Variants in KIF23 observed in about 807,000 individuals in gnomAD.
KIF23 encodes kinesin family member 23, also known as kinesin-like protein KIF23.
In KIF23, 30 loss-of-function variants were observed where a neutral mutation model predicts 137.5. The ratio of observed to expected loss-of-function variants is 0.22; its 90% confidence interval spans 0.16 to 0.30. The LOEUF is 0.30. KIF23 is among the 10% of genes least tolerant of loss of function. The probability of loss-of-function intolerance (pLI) is 1.00; values close to 1 mark genes in which losing one functional copy is unlikely to be tolerated. For missense variants in KIF23, 920 were observed against 1,194.3 expected (o/e 0.77, Z 3.38); for synonymous variants, 367 against 391.1 (o/e 0.94, Z 0.73).
chr15:69,421,503 G>T lies in KIF23; in HGVS notation c.211-144G>T, dbSNP rs2057055163. ...CTTTTTAGTAACTAAATAACTAAGGGTTCCAACTGTAAAAAGACCATTTAT... is the reference window on the plus strand; with the variant it reads ...CTTTTTAGTAACTAAATAACTAAGGTTTCCAACTGTAAAAAGACCATTTAT... On this transcript the variant is annotated intron_variant, in intron 3 of 23. Transcript: ENST00000679126. 11 of 562,858 alleles carry T rather than the reference G, an allele frequency of 2.0e-5. No individual in the cohort carries two copies. The East Asian group carries it at 3.1e-4, about 16-fold the overall frequency. The allele number at this position is 562,858 out of a possible 1,614,324, so 34.9% of individuals were successfully genotyped here. A position where few individuals can be genotyped will look rare whatever the true frequency, so the allele number is the denominator to read the frequency against.
chr15:69,441,080 G>T lies in KIF23; in HGVS notation c.2421+1G>T, dbSNP rs1266628136. The T allele has an allele frequency of 6.2e-7, 1 of 1,600,502 alleles. No individual in the cohort carries two copies. Among genetic ancestry groups the T allele is most frequent in the Non-Finnish European group, 8.5e-7 (1 of 1,171,458 alleles). On this transcript the variant is annotated splice_donor_variant, in intron 19 of 23. Coordinates refer to ENST00000679126, the MANE Select transcript of KIF23 (RefSeq NM_001367805.3). LOFTEE classifies it high-confidence loss of function. The stretch of plus-strand genomic sequence containing the variant: ...AATAGAAGAGGATCATTGCGGCAGG[G>T]TTAGTGCCAGTATTATTTTAACGCA...
chr15:69,433,056 C>T (rs749237291), intron 11 of KIF23, among the ~76,000 whole-genome samples: 46 of 152,250 alleles, frequency 3.0e-4, no homozygotes, highest in Non-Finnish European at 5.3e-4. Context: ...CCCCTGACCA[C>T]TAGGGAAAGC....
At chr15:69,424,324 ATTAACACTC>A (rs1465574187) in intron 7 of KIF23, among the ~76,000 whole-genome samples, 28 of 152,216 alleles carry the variant, frequency 1.8e-4, no homozygotes, top group Admixed American at 1.8e-3. Flanking sequence ...ATGTAAAAAT[ATTAACACTC>A]TTAATACTAA....
chr15:69,426,372 A>G lies in KIF23; in HGVS notation c.926A>G (p.Asn309Ser), dbSNP rs2057191500. The G allele has an allele frequency of 1.2e-6, 2 of 1,614,160 alleles. No individual in the cohort carries two copies. Among genetic ancestry groups the G allele is most frequent in the African/African-American group, 2.7e-5 (2 of 75,016 alleles). Reference sequence around the variant, plus strand: ...AGACGTATTGCTAATACCCATTTGAATCGTGAGTCCAGCCGTTCCCATAGC... The same window carrying G: ...AGACGTATTGCTAATACCCATTTGAGTCGTGAGTCCAGCCGTTCCCATAGC... ...KKRRIANTHL[N>S]RESSRSHSVF... Residue 309 changes from asparagine to serine, a missense_variant, in exon 10 of 24, where the codon AAT becomes AGT. Coordinates refer to ENST00000679126, the MANE Select transcript of KIF23 (RefSeq NM_001367805.3).
intron 3 of KIF23, among the ~76,000 whole-genome samples, chr15:69,419,204 T>G (rs2056992583): frequency 6.6e-6 from 1 of 152,202 alleles, no homozygotes; most frequent in Admixed American, 6.5e-5. Context: ...AGACTGGCAT[T>G]GGTTTGCTGA....
intron 11 of KIF23, among the ~76,000 whole-genome samples, chr15:69,430,783 G>T (rs2057338218): frequency 6.6e-6 from 1 of 152,140 alleles, no homozygotes; most frequent in African/African-American, 2.4e-5. Flanking sequence ...AATGTTAGCT[G>T]CCAACTATTA....
At chr15:69,436,035 C>T (rs993978989) in intron 13 of KIF23, 103 bp from the exon 14 acceptor site, 1 of 1,450,716 alleles carries the variant, frequency 6.9e-7, no homozygotes, top group Non-Finnish European at 9.3e-7. Flanking sequence ...TGGTGACAGA[C>T]TGTCTCAAAT....
intron 19 of KIF23, among the ~76,000 whole-genome samples, chr15:69,442,282 C>T (rs762425000): frequency 1.2e-4 from 18 of 152,122 alleles, no homozygotes; most frequent in Non-Finnish European, 2.9e-5. Context: ...TCTCAATTTA[C>T]ATTTGCCTCA....
chr15:69,436,558 A>G lies in KIF23; in HGVS notation c.1439-6A>G. On this transcript the variant is annotated splice_polypyrimidine_tract_variant and splice_region_variant and intron_variant, in intron 14 of 23. Coordinates refer to ENST00000679126, the MANE Select transcript of KIF23 (RefSeq NM_001367805.3). ...ACTTTTTGTAATTTTCTATAATTCA[A>G]TACAGAACCATTGGTTACTGACGTG... The G allele has an allele frequency of 6.2e-7, 1 of 1,601,718 alleles. No individual in the cohort carries two copies. The highest frequency in any genetic ancestry group is 8.5e-7 in the Non-Finnish European group (1 of 1,174,908).
In KIF23 at chr15:69,436,528, A is replaced by T. The variant is rs368723746; in HGVS notation, c.1439-36A>T. On this transcript the variant is annotated intron_variant, in intron 14 of 23. Transcript: ENST00000679126. ...TGTTTAAATAAGCTCTTTCTCTCCT[A>T]TGTAACTTTTTGTAATTTTCTATAA... The T allele has an allele frequency of 6.0e-5, 93 of 1,555,578 alleles. No homozygotes were observed. In the Admixed American group the frequency reaches 1.7e-3, roughly 28 times the overall value.
At chr15:69,423,699 C>T (rs571290677) in intron 7 of KIF23, among the ~76,000 whole-genome samples, 25 of 152,058 alleles carry the variant, frequency 1.6e-4, no homozygotes, top group African/African-American at 3.1e-4. Context: ...TTTAACCACC[C>T]GTGTCTTGGT....
intron 17 of KIF23, 56 bp from the exon 18 acceptor site, chr15:69,440,252 G>T (rs1418290674): frequency 1.3e-6 from 2 of 1,554,724 alleles, no homozygotes; most frequent in Non-Finnish European, 8.7e-7. Context: ...GGGTAATCTG[G>T]TGTACTCGTT....
chr15:69,428,048 G>A (rs996662142), intron 10 of KIF23, among the ~76,000 whole-genome samples: 3 of 151,820 alleles, frequency 2.0e-5, no homozygotes, highest in Non-Finnish European at 4.4e-5. Context: ...CATGAGGTCG[G>A]GAGATTGAGA....
At chr15:69,420,156 C>G (rs576276719) in intron 3 of KIF23, among the ~76,000 whole-genome samples, 4 of 152,022 alleles carry the variant, frequency 2.6e-5, no homozygotes, top group Admixed American at 2.6e-4. Flanking sequence ...CACAGCTACT[C>G]GGGAGGCTGA....
At chr15:69,430,015 A>AAACAAC (rs59172618) in intron 11 of KIF23, among the ~76,000 whole-genome samples, 5 of 150,984 alleles carry the variant, frequency 3.3e-5, no homozygotes, top group East Asian at 2.0e-4. Context: ...CCTGTCTCAA[A>AAACAAC]AACAACAACA....
chr15:69,436,025 TG>T, intron 13 of KIF23, 112 bp from the exon 14 acceptor site: 1 of 1,408,222 alleles, frequency 7.1e-7, no homozygotes, highest in Non-Finnish European at 9.6e-7. Flanking sequence ...CACTCCAGCC[TG>T]GTGACAGACT....
chr15:69,425,795 A>G (rs928922105), intron 8 of KIF23: 1 of 168,712 alleles, frequency 5.9e-6, no homozygotes, highest in Non-Finnish European at 1.3e-5. Context: ...GTATTGTTTC[A>G]TGTGCTTTCT....
intron 10 of KIF23, chr15:69,427,274 C>G: frequency 2.6e-6 from 1 of 388,174 alleles, no homozygotes; most frequent in African/African-American, 2.1e-5. Flanking sequence ...AATTTAGTAT[C>G]CATAGGAGAT....
At chr15:69,423,757 T>G (rs2057121281) in intron 7 of KIF23, among the ~76,000 whole-genome samples, 1 of 152,232 alleles carries the variant, frequency 6.6e-6, no homozygotes, top group Non-Finnish European at 1.5e-5. Flanking sequence ...CAAGTAATAC[T>G]TACATATCTT....
Sources: allele counts gnomAD v4.1 joint callset (sites outside exome capture counted in the v4.1 genomes callset), GRCh38; gene constraint gnomAD v4.1.1; transcripts MANE v1.5; gene names NCBI Gene and HGNC (gene_info 2026-07-23, HGNC 2026-07-21).